The following CTNNA3 variants were observed in gnomAD, a reference collection of about 807,000 sequenced individuals.
The protein encoded by CTNNA3 is catenin alpha 3.
Under a neutral mutation model 95.7 loss-of-function variants are expected in CTNNA3, and 76 were observed. The observed-to-expected ratio is 0.79, with a 90% CI of 0.66 to 0.96. The LOEUF is 0.96. CTNNA3 is among the 40% of genes least tolerant of loss of function. The probability of loss-of-function intolerance (pLI) is 0.00; values close to 1 mark genes in which losing one functional copy is unlikely to be tolerated. For synonymous variants in CTNNA3, 431 were observed against 374.4 expected, an observed-to-expected ratio of 1.15 and a Z score of -1.74; for missense variants, 1,191 against 1,089.8, an observed-to-expected ratio of 1.09 and a Z score of -1.31.
chr10:66,136,029 G>A (rs970037063), intron 13 of CTNNA3, among the ~76,000 whole-genome samples: 6 of 151,668 alleles, frequency 4.0e-5, no homozygotes, highest in Admixed American at 3.9e-4. Context: ...AACCTCCCAA[G>A]TAGCTGGGAC....
At chr10:66,755,734 C>G (rs1423059475) in intron 9 of CTNNA3, among the ~76,000 whole-genome samples, 1 of 152,214 alleles carries the variant, frequency 6.6e-6, no homozygotes, top group African/African-American at 2.4e-5. Context: ...TCAGTCTAAA[C>G]GTTGCCAGTC....
intron 1 of CTNNA3, among the ~76,000 whole-genome samples, chr10:67,657,951 T>G (rs1226540531): frequency 6.6e-6 from 1 of 152,010 alleles, no homozygotes; most frequent in East Asian, 1.9e-4. Context: ...GGCCCACAGT[T>G]TGCCCAGCAG....
intron 7 of CTNNA3, among the ~76,000 whole-genome samples, chr10:66,914,558 A>T (rs1282276646): frequency 1.4e-5 from 2 of 142,296 alleles, no homozygotes; most frequent in Non-Finnish European, 3.1e-5. Context: ...AAAAAAAAAA[A>T]CTGCAAATAA....
At chr10:66,535,945 G>C (rs1250024946) in intron 10 of CTNNA3, among the ~76,000 whole-genome samples, 1 of 152,088 alleles carries the variant, frequency 6.6e-6, no homozygotes, top group Admixed American at 6.5e-5. Context: ...TATGGTTTGG[G>C]TGAGCAAAAT....
chr10:67,532,732 G>T (rs1237641450), intron 4 of CTNNA3, among the ~76,000 whole-genome samples: 1 of 152,150 alleles, frequency 6.6e-6, no homozygotes, highest in Non-Finnish European at 1.5e-5. Flanking sequence ...GGGAAAGAAG[G>T]TGAAAGAGAA....
intron 6 of CTNNA3, among the ~76,000 whole-genome samples, chr10:67,194,381 A>G (rs1358416917): frequency 2.6e-5 from 4 of 152,072 alleles, no homozygotes; most frequent in Admixed American, 6.6e-5. Context: ...ACTCAGCACT[A>G]AAAAGAAATG....
chr10:67,637,663 C>A (rs1159637784), intron 2 of CTNNA3, among the ~76,000 whole-genome samples: 1 of 152,128 alleles, frequency 6.6e-6, no homozygotes, highest in Non-Finnish European at 1.5e-5. Context: ...AATAGCTGAT[C>A]TCTCGGCAGA....
intron 15 of CTNNA3, among the ~76,000 whole-genome samples, chr10:66,018,241 A>G (rs1480043371): frequency 1.5e-5 from 2 of 134,688 alleles, no homozygotes; most frequent in Non-Finnish European, 3.2e-5. Context: ...CTGACAAAGA[A>G]TAAGTGCAGA....
rs971324338 is a variant in CTNNA3 at position 67,647,583 on chromosome 10, T to C, written c.-5-65A>G. 32 of 1,325,480 alleles carry C rather than the reference T, an allele frequency of 2.4e-5. No homozygotes were observed. The Admixed American group carries it at 4.2e-4, about 18-fold the overall frequency. The allele number at this position is 1,325,480 out of a possible 1,614,324, so 82.1% of individuals were successfully genotyped here. On this transcript the variant is annotated intron_variant, in intron 1 of 17. Coordinates refer to ENST00000433211, the MANE Select transcript of CTNNA3 (RefSeq NM_013266.4). ...ACTGTTTTCTAAAGAAGAACACTTA[T>C]GAAATCATGGAATAGGTAAAACTTG...
At chr10:66,287,130 T>C (rs1564840302) in intron 12 of CTNNA3, among the ~76,000 whole-genome samples, 1 of 151,994 alleles carries the variant, frequency 6.6e-6, no homozygotes. Context: ...TATACGTTTA[T>C]TAAAGCACCT....
intron 16 of CTNNA3, among the ~76,000 whole-genome samples, chr10:65,980,151 T>A (rs971567644): frequency 6.6e-6 from 1 of 151,924 alleles, no homozygotes; most frequent in Non-Finnish European, 1.5e-5. Context: ...ATATTACTAC[T>A]GATACCACAG....
At chr10:67,671,745 A>G (rs1396099072) in intron 1 of CTNNA3, among the ~76,000 whole-genome samples, 1 of 151,672 alleles carries the variant, frequency 6.6e-6, no homozygotes, top group Non-Finnish European at 1.5e-5. Flanking sequence ...ACATTTTCTT[A>G]ATCCAGTCTA....
chr10:67,122,091 T>A (rs994030554), intron 7 of CTNNA3, among the ~76,000 whole-genome samples: 1 of 148,820 alleles, frequency 6.7e-6, no homozygotes, highest in Non-Finnish European at 1.5e-5. Context: ...TCAGTTGGGA[T>A]GAGGATGAGT....
chr10:66,319,953 A>C (rs1589081065), intron 12 of CTNNA3, among the ~76,000 whole-genome samples: 2 of 152,076 alleles, frequency 1.3e-5, no homozygotes, highest in African/African-American at 4.8e-5. Context: ...CTATTTAGAA[A>C]GGTCATTAGG....
intron 17 of CTNNA3, 86 bp from the exon 18 acceptor site, chr10:65,920,703 G>C (rs546521441): frequency 7.1e-7 from 1 of 1,412,244 alleles, no homozygotes; most frequent in Admixed American, 2.0e-5. Flanking sequence ...GCATGTGCCC[G>C]TTGCCCCAGC....
At chr10:66,037,982 A>C (rs564911749) in intron 15 of CTNNA3, among the ~76,000 whole-genome samples, 1 of 152,222 alleles carries the variant, frequency 6.6e-6, no homozygotes, top group Non-Finnish European at 1.5e-5. Context: ...GACAGACCAC[A>C]AAGCTCCCAT....
At chr10:67,021,153 GA>G (rs1451548006) in intron 7 of CTNNA3, among the ~76,000 whole-genome samples, 1 of 152,114 alleles carries the variant, frequency 6.6e-6, no homozygotes, top group Non-Finnish European at 1.5e-5. Context: ...TCAGGCTATT[GA>G]AAGTAATTTA....
At chr10:67,070,778 T>G (rs1476359351) in intron 7 of CTNNA3, among the ~76,000 whole-genome samples, 1 of 151,882 alleles carries the variant, frequency 6.6e-6, no homozygotes, top group Non-Finnish European at 1.5e-5. Flanking sequence ...AAAAAAGAAA[T>G]CCTTGCCTAC....
At chr10:67,454,183 T>G (rs2132972099) in intron 5 of CTNNA3, among the ~76,000 whole-genome samples, 1 of 152,290 alleles carries the variant, frequency 6.6e-6, no homozygotes, top group East Asian at 1.9e-4. Context: ...TCCTTTAGTT[T>G]TAAGGTACAT....
Sources: gnomAD v4.1 joint callset for allele counts (sites outside exome capture counted in the v4.1 genomes callset) on GRCh38, gnomAD v4.1.1 for gene constraint, MANE v1.5 for transcripts, NCBI Gene and HGNC (gene_info 2026-07-23, HGNC 2026-07-21) for gene names.